ZNF714: variants seen among roughly 807,000 people sequenced by gnomAD.
ZNF714 encodes the protein zinc finger protein 714.
Under a neutral mutation model 46.2 loss-of-function variants are expected in ZNF714, and 32 were observed. The observed-to-expected ratio is 0.69, with a 90% CI of 0.52 to 0.93. The LOEUF is 0.93. Ranked by LOEUF, ZNF714 falls within the 40% of genes least tolerant of loss-of-function variation. The pLI, the probability that ZNF714 is intolerant of heterozygous loss-of-function variation, is 0.00. For synonymous variants in ZNF714, 199 were observed against 213.1 expected, an observed-to-expected ratio of 0.93 and a Z score of 0.58; for missense variants, 635 against 646.3, an observed-to-expected ratio of 0.98 and a Z score of 0.19.
At chr19:21,106,719 A>T (rs974349339) in intron 4 of ZNF714, among the ~76,000 whole-genome samples, 6 of 152,164 alleles carry the variant, frequency 3.9e-5, no homozygotes, top group Non-Finnish European at 7.3e-5. Flanking sequence ...AAGATCATGT[A>T]ATCATATACA....
intron 4 of ZNF714, among the ~76,000 whole-genome samples, chr19:21,112,606 G>C (rs184764960): frequency 6.8e-6 from 1 of 147,012 alleles, no homozygotes; most frequent in East Asian, 2.0e-4. Flanking sequence ...GTTATTTCTT[G>C]TCTTCTGCTA....
At chr19:21,085,599 A>G (rs1269066380) in intron 2 of ZNF714, among the ~76,000 whole-genome samples, 1 of 152,246 alleles carries the variant, frequency 6.6e-6, no homozygotes, top group Non-Finnish European at 1.5e-5. Flanking sequence ...GCTTGAGCCC[A>G]GTGTCTCAGA....
rs1969673997 is a variant in ZNF714 at position 21,119,631 on chromosome 19, A to C, written c.*1299A>C. The C allele has an allele frequency of 6.6e-6, 1 of 152,310 alleles. No individual in the cohort carries two copies. Among genetic ancestry groups the C allele is most frequent in the African/African-American group, 2.4e-5 (1 of 41,468 alleles). The allele number at this position is 152,310 out of a possible 1,614,324, so 9.4% of individuals were successfully genotyped here. Reference sequence around the variant, plus strand: ...AATTTGGAAAAACACTTTTTCAAAAACTACAGCTTAGAAAACAGAGTTCAT... The same window carrying C: ...AATTTGGAAAAACACTTTTTCAAAACCTACAGCTTAGAAAACAGAGTTCAT... On this transcript the variant is annotated 3_prime_UTR_variant, in exon 5 of 5. Coordinates refer to ENST00000456283, the MANE Select transcript of ZNF714 (RefSeq NM_182515.4).
At chr19:21,101,185 G>A (rs1969172360) in intron 4 of ZNF714, among the ~76,000 whole-genome samples, 1 of 152,114 alleles carries the variant, frequency 6.6e-6, no homozygotes, top group East Asian at 1.9e-4. Context: ...CATTGACAAT[G>A]GGCACAATAT....
chr19:21,085,566 G>C (rs973345493), intron 2 of ZNF714, among the ~76,000 whole-genome samples: 2 of 152,268 alleles, frequency 1.3e-5, no homozygotes, highest in Non-Finnish European at 2.9e-5. Context: ...AACCAAGTGA[G>C]TAACTCTAAC....
chr19:21,098,939 A>C, intron 4 of ZNF714, 29 bp downstream of exon 4: 1 of 1,281,886 alleles, frequency 7.8e-7, no homozygotes, highest in Non-Finnish European at 1.1e-6. Flanking sequence ...AACAGATGAC[A>C]CAGATGAGAG....
At chr19:21,100,109 C>G (rs1393077328) in intron 4 of ZNF714, among the ~76,000 whole-genome samples, 1 of 152,138 alleles carries the variant, frequency 6.6e-6, no homozygotes, top group Non-Finnish European at 1.5e-5. Flanking sequence ...CCACCTTGGC[C>G]TCCCAAAGTG....
In ZNF714 at chr19:21,115,267, T is replaced by C. The variant is rs1969565106; in HGVS notation, c.143-1540T>C. On this transcript the variant is annotated intron_variant, in intron 4 of 4. Coordinates refer to ENST00000456283, the MANE Select transcript of ZNF714 (RefSeq NM_182515.4). ...TTCTATTCTTTTACCTTTCAAATTT[T>C]AGAGAATAATTAAAAATGTTTTTTG... Among the ~76,000 whole-genome samples the C allele has an allele frequency of 2.0e-5, 3 of 152,102 alleles. No homozygotes were observed. The South Asian group carries it at 6.3e-4, about 32-fold the overall frequency.
At chr19:21,097,592 G>A (rs1166112440) in intron 2 of ZNF714, among the ~76,000 whole-genome samples, 1 of 150,936 alleles carries the variant, frequency 6.6e-6, no homozygotes, top group Non-Finnish European at 1.5e-5. Flanking sequence ...TTTGTTTTTT[G>A]CACATATGTG....
Position 21,117,942 on chromosome 19 carries a change from A to G in ZNF714, c.1278A>G (p.Lys426=). The G allele has an allele frequency of 6.2e-7, 1 of 1,613,380 alleles. No individual in the cohort carries two copies. ...TTCATACTGGAGAGAAACTCTACAA[A>G]TGTGAAGAATGTGGCAAAGCTTTTA... is the stretch of plus-strand genomic sequence containing the variant. ...KIIHTGEKLY[K]CEECGKAFNR... is the part of the protein sequence containing the mutation. Residue 426 remains lysine (K), a synonymous_variant, in exon 5 of 5, where the codon AAA becomes AAG. Coordinates refer to ENST00000456283, the MANE Select transcript of ZNF714 (RefSeq NM_182515.4).
At position 21,117,609 on chromosome 19, in the gene ZNF714, T is replaced by C. The variant is rs759474977; in HGVS notation, c.945T>C (p.Cys315=). 2 of 1,611,512 alleles carry C rather than the reference T, an allele frequency of 1.2e-6. No individual in the cohort carries two copies. The highest frequency in any genetic ancestry group is 8.5e-7 in the Non-Finnish European group (1 of 1,178,560). Residue 315 remains cysteine (C), a synonymous_variant, in exon 5 of 5, where the codon TGT becomes TGC. Coordinates refer to ENST00000456283, the MANE Select transcript of ZNF714 (RefSeq NM_182515.4). Reference sequence around the variant, plus strand: ...ATTCTGGAGAGAAATCTTACAAATGTGAACAATGTGGCAAAGGCTTTAACT... The same window carrying C: ...ATTCTGGAGAGAAATCTTACAAATGCGAACAATGTGGCAAAGGCTTTAACT... The part of the protein sequence containing the change: ...IIHSGEKSYK[C]EQCGKGFNWS...
chr19:21,122,951 T>G lies in ZNF714; in HGVS notation c.*4619T>G, dbSNP rs1396405314. 2 of 152,164 alleles carry G rather than the reference T, an allele frequency of 1.3e-5. No homozygotes were observed. The highest frequency in any genetic ancestry group is 2.9e-5 in the Non-Finnish European group (2 of 68,056). The allele number at this position is 152,164 out of a possible 1,614,324, so 9.4% of individuals were successfully genotyped here. ...AAGTGGATCACTTGAGCTCAGGAGT[T>G]CGAGACCAGCCTGACCAACATGGTG... On this transcript the variant is annotated 3_prime_UTR_variant, in exon 5 of 5. Transcript: ENST00000456283.
chr19:21,090,628 T>G (rs1277230409), intron 2 of ZNF714, among the ~76,000 whole-genome samples: 1 of 152,132 alleles, frequency 6.6e-6, no homozygotes, highest in African/African-American at 2.4e-5. Context: ...AGTCCCTTTG[T>G]GGTTGCCAGA....
chr19:21,117,111 A>G lies in ZNF714; in HGVS notation c.447A>G (p.Lys149=), dbSNP rs1411905032. The G allele has an allele frequency of 6.2e-7, 1 of 1,613,752 alleles. No individual in the cohort carries two copies. The highest frequency in any genetic ancestry group is 1.1e-5 in the South Asian group (1 of 91,020). ...GAGAGAAACCTTTCAAATGTAAAAA[A>G]TGTGATGAATCATTTTGCATGCTTT... is the stretch of plus-strand genomic sequence containing the variant. ...HTGEKPFKCK[K]CDESFCMLLH... The change falls in exon 5 of 5, where the codon AAA becomes AAG. Residue 149 remains lysine, a synonymous_variant. Transcript: ENST00000456283.
At chr19:21,115,501 G>GT (rs1319780695) in intron 4 of ZNF714, among the ~76,000 whole-genome samples, 1 of 151,524 alleles carries the variant, frequency 6.6e-6, no homozygotes, top group East Asian at 1.9e-4. Flanking sequence ...ATTTTTGAAG[G>GT]TTTTTTTCTT....
At position 21,117,168 on chromosome 19, in the gene ZNF714, T is replaced by C. The variant is rs1568282602; in HGVS notation, c.504T>C (p.Ile168=). ...TACATCAACATAAAAGAATTCATAT[T>C]AGAGAGAATTCTTACCAATGTGAAG... The part of the protein sequence containing the change: ...LHLHQHKRIH[I]RENSYQCEEC... Residue 168 remains isoleucine (I), a synonymous_variant, in exon 5 of 5, where the codon ATT becomes ATC. Transcript: ENST00000456283. 4.3e-6 allele frequency: 7 copies of C among 1,613,942 alleles called. No individual in the cohort carries two copies. Among genetic ancestry groups the C allele is most frequent in the Non-Finnish European group, 5.9e-6 (7 of 1,179,972 alleles).
In ZNF714 at chr19:21,107,047, G is replaced by A. The variant is rs1466902195; in HGVS notation, c.142+8137G>A. On this transcript the variant is annotated intron_variant, in intron 4 of 4. Coordinates refer to ENST00000456283, the MANE Select transcript of ZNF714 (RefSeq NM_182515.4). ...TCGCCATGTTGGCAAGGATGGTCTCGATCCCCTGACCTCGTGATCCACCCA... is the reference window on the plus strand; with the variant it reads ...TCGCCATGTTGGCAAGGATGGTCTCAATCCCCTGACCTCGTGATCCACCCA... Among the ~76,000 whole-genome samples the A allele has an allele frequency of 3.9e-5, 6 of 151,994 alleles. No homozygotes were observed. The South Asian group carries it at 8.3e-4, about 21-fold the overall frequency.
rs1172915903 is a variant in ZNF714 at position 21,117,851 on chromosome 19, CT to C, written c.1189del (p.Tyr397ThrfsTer21). ...IHKIIHTGEK[P>X]YKCEECGKAF... ...AAGATAATTCATACTGGAGAGAAACCTTACAAATGTGAAGAATGTGGCAAAG... is the reference window on the plus strand; with the variant it reads ...AAGATAATTCATACTGGAGAGAAACCTACAAATGTGAAGAATGTGGCAAAG... On this transcript the variant is annotated frameshift_variant, in exon 5 of 5. Transcript: ENST00000456283. LOFTEE classifies it high-confidence loss of function. 6.2e-7 allele frequency: 1 copy of C among 1,612,022 alleles called. No homozygotes were observed. The highest frequency in any genetic ancestry group is 1.3e-5 in the African/African-American group (1 of 74,838).
intron 2 of ZNF714, among the ~76,000 whole-genome samples, chr19:21,087,737 G>A (rs1968816133): frequency 6.6e-6 from 1 of 152,082 alleles, no homozygotes; most frequent in Non-Finnish European, 1.5e-5. Flanking sequence ...TTAAATTTTA[G>A]CAAATCTTTC....
Sources: allele counts gnomAD v4.1 joint callset (sites outside exome capture counted in the v4.1 genomes callset), GRCh38; gene constraint gnomAD v4.1.1; transcripts MANE v1.5; gene names NCBI Gene and HGNC (gene_info 2026-07-23, HGNC 2026-07-21).